The following SKIL variants were observed in gnomAD, a reference collection of about 807,000 sequenced individuals.
The protein encoded by SKIL is ski-like protein.
Under a neutral mutation model 69.6 loss-of-function variants are expected in SKIL, and 20 were observed. The ratio of observed to expected loss-of-function variants is 0.29; its 90% confidence interval spans 0.20 to 0.42. The LOEUF (loss-of-function observed/expected upper bound fraction) is 0.42. Among genes scored for constraint, SKIL ranks in the 10% least tolerant of loss-of-function variants. The pLI, the probability that SKIL is intolerant of heterozygous loss-of-function variation, is 1.00. For synonymous variants in SKIL, 310 were observed against 279.9 expected, an observed-to-expected ratio of 1.11 and a Z score of -1.08; for missense variants, 745 against 783.1, an observed-to-expected ratio of 0.95 and a Z score of 0.58.
At chr3:170,390,914 C>T in intron 5 of SKIL, 122 bp from the exon 6 acceptor site, 1 of 564,348 alleles carries the variant, frequency 1.8e-6, no homozygotes, top group Non-Finnish European at 3.2e-6. Flanking sequence ...ATAATTACCT[C>T]TATATAGAAC....
chr3:170,385,222 C>T lies in SKIL; in HGVS notation c.1429+457C>T, dbSNP rs377221400. Among the ~76,000 whole-genome samples the T allele has an allele frequency of 1.7e-3, 251 of 151,028 alleles. 6 individuals are homozygous for T. Among genetic ancestry groups the T allele is most frequent in the African/African-American group, 5.8e-3 (240 of 41,094 alleles). On this transcript the variant is annotated intron_variant, in intron 4 of 6. Coordinates refer to ENST00000259119, the MANE Select transcript of SKIL (RefSeq NM_005414.5). ...CCTCCCTAGTAGCTGGGACCAGAGG[C>T]GCACACCACTGTGCCTGGCTAATTA...
intron 2 of SKIL, among the ~76,000 whole-genome samples, chr3:170,366,001 C>A (rs1736490226): frequency 6.6e-6 from 1 of 151,536 alleles, no homozygotes; most frequent in South Asian, 2.1e-4. Context: ...GATGATCCAC[C>A]TGCCTCGGCC....
At chr3:170,365,623 G>A (rs1736461250) in intron 2 of SKIL, among the ~76,000 whole-genome samples, 1 of 151,958 alleles carries the variant, frequency 6.6e-6, no homozygotes, top group Admixed American at 6.6e-5. Flanking sequence ...AAATACTAAG[G>A]TATTTAACTG....
chr3:170,365,869 C>T lies in SKIL; in HGVS notation c.1098+4440C>T, dbSNP rs561436954. On this transcript the variant is annotated intron_variant, in intron 2 of 6. Coordinates refer to ENST00000259119, the MANE Select transcript of SKIL (RefSeq NM_005414.5). Reference sequence around the variant, plus strand: ...CTCCTGGATTCAAGCGATTCTCCTGCCTCAGCCTCCCAAGTAGCTGCAATT... The same window carrying T: ...CTCCTGGATTCAAGCGATTCTCCTGTCTCAGCCTCCCAAGTAGCTGCAATT... Among the ~76,000 whole-genome samples the T allele has an allele frequency of 2.6e-5, 4 of 150,984 alleles. No individual in the cohort carries two copies. The East Asian group carries it at 7.8e-4, about 30-fold the overall frequency.
At chr3:170,392,205 A>T in intron 6 of SKIL, 54 bp from the exon 7 acceptor site, 2 of 1,399,574 alleles carry the variant, frequency 1.4e-6, no homozygotes, top group Non-Finnish European at 2.0e-6. Flanking sequence ...TGATATGAGG[A>T]TTAAATGGAA....
At chr3:170,375,046 A>G (rs1736965738) in intron 2 of SKIL, among the ~76,000 whole-genome samples, 2 of 152,238 alleles carry the variant, frequency 1.3e-5, no homozygotes, top group South Asian at 2.1e-4. Flanking sequence ...TCCCTACTAC[A>G]TGCTAGGCAT....
Position 170,360,844 on chromosome 3 carries a change from A to G in SKIL, c.513A>G (p.Leu171=). 6.2e-6 allele frequency: 10 copies of G among 1,614,212 alleles called. No homozygotes were observed. Among genetic ancestry groups the G allele is most frequent in the South Asian group, 1.1e-5 (1 of 91,084 alleles). Residue 171 remains leucine, a synonymous_variant, in exon 2 of 7, where the codon TTA becomes TTG. Transcript: ENST00000259119. ...GEKRLCLPQV[L]NSVLREFTLQ... is the part of the protein sequence containing the mutation. ...AGAGACTCTGTTTGCCCCAAGTCTT[A>G]AATTCTGTTCTCCGAGAATTTACAC...
chr3:170,396,519 T>C lies in SKIL; in HGVS notation c.*4102T>C, dbSNP rs1738195227. The C allele has an allele frequency of 6.6e-6, 1 of 152,250 alleles. No homozygotes were observed. The highest frequency in any genetic ancestry group is 1.5e-5 in the Non-Finnish European group (1 of 68,042). 9.4% of individuals were successfully genotyped at this position (152,250 alleles called of 1,614,324 possible). On this transcript the variant is annotated 3_prime_UTR_variant, in exon 7 of 7. Coordinates refer to ENST00000259119, the MANE Select transcript of SKIL (RefSeq NM_005414.5). The stretch of plus-strand genomic sequence containing the variant: ...AACAAATAATTGGCTACATTGACCA[T>C]AATTAAAGTTAAAATTTTGCCAATG...
chr3:170,364,516 G>T (rs1346655100), intron 2 of SKIL, among the ~76,000 whole-genome samples: 2 of 150,684 alleles, frequency 1.3e-5, no homozygotes, highest in Non-Finnish European at 3.0e-5. Context: ...GTAGAGATGG[G>T]ATTTTACAGC....
At chr3:170,369,427 G>T (rs1736690878) in intron 2 of SKIL, among the ~76,000 whole-genome samples, 1 of 151,844 alleles carries the variant, frequency 6.6e-6, no homozygotes, top group Non-Finnish European at 1.5e-5. Context: ...TTGATAAGGA[G>T]TTTTGCTCTT....
At position 170,384,641 on chromosome 3, in the gene SKIL, A is replaced by G. The variant is rs1176354554; in HGVS notation, c.1305A>G (p.Ser435=). 1.2e-6 allele frequency: 2 copies of G among 1,612,226 alleles called. No homozygotes were observed. ...LTKTEASKSI[S]RQSEKAHSSG... The stretch of plus-strand genomic sequence containing the variant: ...AGACAGAGGCAAGTAAGTCCATATC[A>G]AGACAGTCAGAGAAGGCTCACAGTA... The change falls in exon 4 of 7, where the codon TCA becomes TCG. Residue 435 remains serine (S), a synonymous_variant. Coordinates refer to ENST00000259119, the MANE Select transcript of SKIL (RefSeq NM_005414.5).
intron 2 of SKIL, among the ~76,000 whole-genome samples, chr3:170,363,963 T>G (rs576680979): frequency 2.6e-5 from 4 of 152,304 alleles, no homozygotes; most frequent in South Asian, 2.1e-4. Context: ...GTACTTTTTT[T>G]TTTGTAGAGA....
chr3:170,362,964 C>G (rs13101192), intron 2 of SKIL, among the ~76,000 whole-genome samples: 113,917 of 150,642 alleles, frequency 0.76, 44,254 homozygotes, highest in East Asian at 0.94. Context: ...TATTTAGTTT[C>G]TTGATCGGGT....
chr3:170,358,040 G>A (rs1736019884), intron 1 of SKIL, among the ~76,000 whole-genome samples: 1 of 152,040 alleles, frequency 6.6e-6, no homozygotes, highest in Non-Finnish European at 1.5e-5. Context: ...GTAGTTGACG[G>A]GAGCCGCGGG....
intron 4 of SKIL, among the ~76,000 whole-genome samples, chr3:170,389,516 A>G (rs1013023159): frequency 9.2e-5 from 14 of 151,512 alleles, no homozygotes; most frequent in African/African-American, 2.9e-4. Context: ...GGGTTTCACC[A>G]TGTTAGCCAG....
At position 170,392,129 on chromosome 3, in the gene SKIL, T is replaced by G. The variant is rs536250409; in HGVS notation, c.1897-130T>G. On this transcript the variant is annotated intron_variant, in intron 6 of 6. Transcript: ENST00000259119. ...TGTCAGATTAATAGTATTAGATGCT[T>G]AATGGATTTAGTATACATGAAATAG... The G allele has an allele frequency of 1.3e-5, 9 of 677,694 alleles. No individual in the cohort carries two copies. The Admixed American group carries it at 2.9e-4, about 22-fold the overall frequency. The allele number at this position is 677,694 out of a possible 1,614,324, so 42.0% of individuals were successfully genotyped here.
intron 4 of SKIL, among the ~76,000 whole-genome samples, chr3:170,389,550 G>A (rs1333554159): frequency 2.6e-5 from 4 of 152,110 alleles, no homozygotes; most frequent in South Asian, 2.1e-4. Flanking sequence ...TCCTGACGTC[G>A]TGATCCGCCC....
intron 4 of SKIL, among the ~76,000 whole-genome samples, chr3:170,387,826 T>C (rs1206993786): frequency 5.0e-4 from 63 of 125,300 alleles, no homozygotes; most frequent in South Asian, 1.1e-3. Flanking sequence ...CCCAGCTACT[T>C]GGGAGGCTGA....
At chr3:170,368,682 A>G (rs755064909) in intron 2 of SKIL, among the ~76,000 whole-genome samples, 1 of 152,232 alleles carries the variant, frequency 6.6e-6, no homozygotes, top group African/African-American at 2.4e-5. Flanking sequence ...GAGACAAACA[A>G]GATAACTGAA....
Sources: gnomAD v4.1 joint callset for allele counts (sites outside exome capture counted in the v4.1 genomes callset) on GRCh38, gnomAD v4.1.1 for gene constraint, MANE v1.5 for transcripts, NCBI Gene and HGNC (gene_info 2026-07-23, HGNC 2026-07-21) for gene names.